The following PDE4DIP variants were observed in gnomAD, a reference collection of about 807,000 sequenced individuals.
PDE4DIP encodes the protein myomegalin.
Under a neutral mutation model 221.4 loss-of-function variants are expected in PDE4DIP, and 59 were observed. The ratio of observed to expected loss-of-function variants is 0.27; its 90% CI spans 0.22 to 0.33. The LOEUF is 0.33. Ranked by LOEUF, PDE4DIP falls within the 10% of genes least tolerant of loss-of-function variation. The pLI is 1.00. For synonymous variants in PDE4DIP, 404 were observed against 815.9 expected (o/e 0.50, Z 8.60); for missense variants, 1,036 against 2,154.2 (o/e 0.48, Z 10.28).
chr1:148,917,251 T>C (rs1176737372), intron 1 of PDE4DIP, among the ~76,000 whole-genome samples: 3 of 151,762 alleles, frequency 2.0e-5, no homozygotes, highest in African/African-American at 7.3e-5. Context: ...GAATAGCTCA[T>C]GACACACTGA....
chr1:148,978,314 C>A, exon 19 of PDE4DIP: 3 of 1,611,944 alleles, frequency 1.9e-6, no homozygotes, highest in Non-Finnish European at 2.5e-6. Context: ...TGAAGACATA[C>A]CAGCTATGGA....
At chr1:148,972,688 C>G in intron 16 of PDE4DIP, 96 bp downstream of exon 19, 2 of 490,936 alleles carry the variant, frequency 4.1e-6, no homozygotes, top group Non-Finnish European at 3.6e-6. Flanking sequence ...AGACTCTTTT[C>G]TCTTCCTACC....
chr1:148,960,930 G>A, intron 6 of PDE4DIP, 145 bp downstream of exon 9: 1 of 639,342 alleles, frequency 1.6e-6, no homozygotes, highest in Non-Finnish European at 2.8e-6. Flanking sequence ...ATGTAAAAGT[G>A]TAGTTCTTCT....
At chr1:149,022,738 T>A (rs1184458912) in intron 37 of PDE4DIP, among the ~76,000 whole-genome samples, 12 of 151,454 alleles carry the variant, frequency 7.9e-5, no homozygotes, top group African/African-American at 2.9e-4. Context: ...GTATAGTAGA[T>A]AATGAAACTA....
At chr1:148,996,589 C>T (rs1359637898) in intron 22 of PDE4DIP, among the ~76,000 whole-genome samples, 17 of 152,048 alleles carry the variant, frequency 1.1e-4, no homozygotes, top group South Asian at 1.0e-3. Flanking sequence ...GACCTGGGTG[C>T]GCATGTCTTC....
At chr1:148,859,352 T>A (rs1553398258) in intron 1 of PDE4DIP, among the ~76,000 whole-genome samples, 4 of 147,884 alleles carry the variant, frequency 2.7e-5, no homozygotes, top group African/African-American at 1.0e-4. Flanking sequence ...CAAGAAAATA[T>A]GAGTGATATA....
intron 1 of PDE4DIP, among the ~76,000 whole-genome samples, chr1:148,898,774 G>A (rs587611326): frequency 1.0e-5 from 1 of 95,968 alleles, no homozygotes; most frequent in South Asian, 4.4e-4. Context: ...CACCCACTTC[G>A]GCCTCCCAAA....
intron 1 of PDE4DIP, among the ~76,000 whole-genome samples, chr1:148,820,866 T>A: frequency 7.0e-6 from 1 of 142,888 alleles, no homozygotes; most frequent in Non-Finnish European, 1.5e-5. Flanking sequence ...TATTTATTTA[T>A]TTTTGAGGCG....
At chr1:148,975,142 G>C (rs2059902601) in intron 17 of PDE4DIP, among the ~76,000 whole-genome samples, 1 of 148,404 alleles carries the variant, frequency 6.7e-6, no homozygotes, top group African/African-American at 2.5e-5. Context: ...TCACACTCCA[G>C]CCTGGGCAAC....
intron 5 of PDE4DIP, among the ~76,000 whole-genome samples, chr1:148,949,653 G>T (rs1573205): frequency 1.3e-5 from 2 of 152,094 alleles, no homozygotes; most frequent in African/African-American, 4.8e-5. Context: ...GTGCAAAATT[G>T]ATTATCACAT....
exon 19 of PDE4DIP, chr1:148,978,365 G>C (rs1553539531): frequency 1.2e-6 from 2 of 1,612,030 alleles, no homozygotes; most frequent in Admixed American, 1.7e-5. Context: ...GGAAAAAGTT[G>C]CTTCAGTAGA....
exon 13 of PDE4DIP, chr1:148,967,815 G>A: frequency 1.7e-6 from 2 of 1,169,256 alleles, no homozygotes; most frequent in South Asian, 2.4e-5. Flanking sequence ...AAGAAGAAAT[G>A]GAAACCAAAT....
chr1:148,991,522 T>A (rs1389404191), intron 21 of PDE4DIP: 1 of 983,402 alleles, frequency 1.0e-6, no homozygotes, highest in East Asian at 1.1e-4. Flanking sequence ...GGGTTAAGCA[T>A]GTTGGACTCA....
chr1:149,031,968 T>A, exon 44 of PDE4DIP: 2 of 1,609,990 alleles, frequency 1.2e-6, no homozygotes, highest in South Asian at 2.2e-5. Flanking sequence ...GGCTCTGCCA[T>A]GTACTCCAGC....
chr1:148,922,697 C>T (rs1431011192), intron 1 of PDE4DIP, among the ~76,000 whole-genome samples: 2 of 149,358 alleles, frequency 1.3e-5, no homozygotes, highest in East Asian at 2.1e-4. Flanking sequence ...ACACCGTTCT[C>T]CTGCCTCAGC....
At chr1:148,822,795 CAT>C (rs1203666489) in intron 1 of PDE4DIP, among the ~76,000 whole-genome samples, 4 of 105,962 alleles carry the variant, frequency 3.8e-5, no homozygotes, top group African/African-American at 1.0e-4. Flanking sequence ...TATATAATTA[CAT>C]GATTAATATT....
At chr1:149,015,802 G>T (rs1357548847) in intron 32 of PDE4DIP, among the ~76,000 whole-genome samples, 8 of 152,024 alleles carry the variant, frequency 5.3e-5, no homozygotes, top group Non-Finnish European at 1.2e-4. Context: ...TATCCAGCTT[G>T]ATTTCATGTC....
At chr1:148,821,403 T>C (rs1447107918) in intron 1 of PDE4DIP, among the ~76,000 whole-genome samples, 71 of 150,372 alleles carry the variant, frequency 4.7e-4, no homozygotes, top group African/African-American at 1.5e-3. Context: ...GGTGCTAGAA[T>C]AAAATGAGGA....
At chr1:148,859,321 A>T (rs1572039230) in intron 1 of PDE4DIP, among the ~76,000 whole-genome samples, 2 of 149,110 alleles carry the variant, frequency 1.3e-5, no homozygotes, top group East Asian at 3.9e-4. Flanking sequence ...CTAATATCTT[A>T]ATAGCTACTT....
Sources: allele counts gnomAD v4.1 joint callset (sites outside exome capture counted in the v4.1 genomes callset), GRCh38; gene constraint gnomAD v4.1.1; transcripts MANE v1.5; gene names NCBI Gene and HGNC (gene_info 2026-07-23, HGNC 2026-07-21).